Variants in ERC1 observed in about 807,000 individuals in gnomAD.
ERC1 encodes ELKS/RAB6-interacting/CAST family member 1, also known as RAB6 interacting protein 2.
A neutral mutation model predicts 132.0 loss-of-function variants in ERC1; 56 were observed. The observed-to-expected ratio is 0.42, with a 90% confidence interval of 0.34 to 0.53. The LOEUF is 0.53. ERC1 is among the 20% of genes least tolerant of loss of function. ERC1 has a pLI of 0.03. For missense variants in ERC1, 1,202 were observed against 1,349.9 expected (o/e 0.89, Z 1.72); for synonymous variants, 478 against 476.1 (o/e 1.00, Z -0.05).
intron 18 of ERC1, among the ~76,000 whole-genome samples, chr12:1,478,822 A>G (rs949410346): frequency 6.6e-6 from 1 of 151,816 alleles, no homozygotes; most frequent in African/African-American, 2.4e-5. Flanking sequence ...GAGAGACAGA[A>G]ATCCTTAATT....
chr12:1,064,307 C>T (rs1938654993), intron 2 of ERC1, among the ~76,000 whole-genome samples: 1 of 151,942 alleles, frequency 6.6e-6, no homozygotes, highest in Non-Finnish European at 1.5e-5. Context: ...CTCACGACAG[C>T]CCTCCAACTC....
At chr12:1,458,171 C>G (rs898050743) in intron 18 of ERC1, among the ~76,000 whole-genome samples, 11 of 152,190 alleles carry the variant, frequency 7.2e-5, no homozygotes, top group African/African-American at 2.7e-4. Flanking sequence ...AGAAGCCAGC[C>G]CACATGGCCA....
chr12:1,471,360 G>A (rs1156697786), intron 18 of ERC1, among the ~76,000 whole-genome samples: 1 of 152,212 alleles, frequency 6.6e-6, no homozygotes, highest in African/African-American at 2.4e-5. Flanking sequence ...ATCTCAGCTA[G>A]GGAAGAATGC....
At chr12:1,404,336 TTTAC>T (rs1473359910) in intron 16 of ERC1, among the ~76,000 whole-genome samples, 1 of 152,038 alleles carries the variant, frequency 6.6e-6, no homozygotes, top group African/African-American at 2.4e-5. Context: ...TACTCATCCA[TTTAC>T]TTATTCATTC....
At chr12:1,058,890 C>T (rs1191409383) in intron 2 of ERC1, among the ~76,000 whole-genome samples, 3 of 150,670 alleles carry the variant, frequency 2.0e-5, no homozygotes, top group African/African-American at 7.3e-5. Flanking sequence ...CTCTTGGGCT[C>T]AAATGATTCT....
At chr12:1,045,952 TAATC>T (rs1971010411) in intron 2 of ERC1, among the ~76,000 whole-genome samples, 1 of 152,104 alleles carries the variant, frequency 6.6e-6, no homozygotes, top group Non-Finnish European at 1.5e-5. Flanking sequence ...TTACTTTAAA[TAATC>T]AGTCAACATC....
At chr12:1,332,980 C>T (rs903254780) in intron 15 of ERC1, among the ~76,000 whole-genome samples, 1 of 151,654 alleles carries the variant, frequency 6.6e-6, no homozygotes, top group African/African-American at 2.4e-5. Flanking sequence ...TTTCCTCGCC[C>T]GGGTATTAAG....
chr12:1,067,102 C>T (rs1364734307), intron 2 of ERC1, among the ~76,000 whole-genome samples: 1 of 152,066 alleles, frequency 6.6e-6, no homozygotes, highest in Admixed American at 6.5e-5. Context: ...GCCTCTGTGC[C>T]CGGCCAAAAC....
chr12:1,440,199 CTTTT>C (rs756177628), intron 17 of ERC1, among the ~76,000 whole-genome samples: 4 of 128,814 alleles, frequency 3.1e-5, no homozygotes, highest in South Asian at 2.4e-4. Context: ...CTTTCTTTCT[CTTTT>C]TTTTTTTTTT....
intron 18 of ERC1, among the ~76,000 whole-genome samples, chr12:1,482,793 C>T (rs2094118838): frequency 2.0e-5 from 3 of 152,246 alleles, no homozygotes. Flanking sequence ...ACATACAACT[C>T]ACCCATTGCA....
intron 17 of ERC1, among the ~76,000 whole-genome samples, chr12:1,429,911 C>T (rs1378731527): frequency 6.6e-6 from 1 of 152,144 alleles, no homozygotes; most frequent in African/African-American, 2.4e-5. Context: ...ACACATTACC[C>T]CAAAGTGTGG....
At chr12:1,036,307 A>G (rs1299043486) in intron 2 of ERC1, among the ~76,000 whole-genome samples, 1 of 150,432 alleles carries the variant, frequency 6.6e-6, no homozygotes, top group Admixed American at 6.6e-5. Context: ...ATTAACATTT[A>G]TATAATTTTA....
At chr12:1,286,401 A>G (rs1282076066) in intron 14 of ERC1, among the ~76,000 whole-genome samples, 1 of 152,158 alleles carries the variant, frequency 6.6e-6, no homozygotes, top group African/African-American at 2.4e-5. Context: ...TTTAACATTC[A>G]TTTATAATTT....
At chr12:1,029,920 G>T (rs1299697391) in intron 2 of ERC1, among the ~76,000 whole-genome samples, 1 of 151,944 alleles carries the variant, frequency 6.6e-6, no homozygotes, top group Non-Finnish European at 1.5e-5. Context: ...GCTAATATTT[G>T]TATTTTTAGT....
chr12:1,350,752 T>C (rs547040302), intron 15 of ERC1, among the ~76,000 whole-genome samples: 12 of 152,328 alleles, frequency 7.9e-5, no homozygotes, highest in African/African-American at 2.9e-4. Context: ...TAATTTATAA[T>C]GTAACAAGGT....
At chr12:1,216,664 CTT>C (rs1958457477) in intron 12 of ERC1, among the ~76,000 whole-genome samples, 1 of 150,562 alleles carries the variant, frequency 6.6e-6, no homozygotes, top group Admixed American at 6.6e-5. Flanking sequence ...TACAAAAACA[CTT>C]TTCAGCTGGG....
At chr12:993,632 C>T (rs1960139788) in intron 1 of ERC1, among the ~76,000 whole-genome samples, 1 of 152,050 alleles carries the variant, frequency 6.6e-6, no homozygotes, top group South Asian at 2.1e-4. Flanking sequence ...GGCCGGGCGC[C>T]GTGGCTCATG....
At chr12:1,127,056 A>T (rs568947390) in intron 7 of ERC1, among the ~76,000 whole-genome samples, 1 of 151,010 alleles carries the variant, frequency 6.6e-6, no homozygotes, top group Non-Finnish European at 1.5e-5. Context: ...GAAGGATTTG[A>T]ATAGACAATT....
At chr12:1,137,980 A>AGT (rs1487833208) in intron 7 of ERC1, among the ~76,000 whole-genome samples, 3 of 131,646 alleles carry the variant, frequency 2.3e-5, no homozygotes, top group Non-Finnish European at 4.7e-5. Context: ...TATCATATAT[A>AGT]GTATATATAA....
Sources: allele counts gnomAD v4.1 joint callset (sites outside exome capture counted in the v4.1 genomes callset), GRCh38; gene constraint gnomAD v4.1.1; transcripts MANE v1.5; gene names NCBI Gene and HGNC (gene_info 2026-07-23, HGNC 2026-07-21).